Variants in MYH11 observed in about 807,000 individuals in gnomAD.
The protein encoded by MYH11 is myosin heavy chain 11.
In MYH11, 80 loss-of-function variants were observed where a neutral mutation model predicts 246.6. The ratio of observed to expected loss-of-function variants is 0.32; its 90% CI spans 0.27 to 0.39. The LOEUF (loss-of-function observed/expected upper bound fraction) is 0.39, where lower values mean the gene tolerates loss of function less well. Among genes scored for constraint, MYH11 ranks in the 10% least tolerant of loss-of-function variants. MYH11 has a pLI of 1.00. For synonymous variants in MYH11, 1,071 were observed against 1,015.5 expected, an observed-to-expected ratio of 1.05 and a Z score of -1.04; for missense variants, 2,158 against 2,546.8, an observed-to-expected ratio of 0.85 and a Z score of 3.29.
chr16:15,725,171 C>A (rs1358081591), intron 28 of MYH11, 179 bp from the exon 29 acceptor site: 8 of 638,142 alleles, frequency 1.3e-5, no homozygotes, highest in Non-Finnish European at 2.7e-6. Flanking sequence ...ACAAAAAAAA[C>A]AGAATCTGTG....
chr16:15,740,405 C>G (rs2041240146), intron 22 of MYH11, among the ~76,000 whole-genome samples: 1 of 151,792 alleles, frequency 6.6e-6, no homozygotes, highest in Non-Finnish European at 1.5e-5. Flanking sequence ...GTCAGGAATT[C>G]AAGACCAGCC....
chr16:15,760,459 G>A (rs2041842921), intron 11 of MYH11, 81 bp downstream of exon 11: 3 of 1,077,582 alleles, frequency 2.8e-6, no homozygotes, highest in African/African-American at 1.6e-5. Flanking sequence ...ATGAATACAT[G>A]AATGAGTGAA....
In MYH11 at chr16:15,724,349, C is replaced by G. The variant is rs143620567; in HGVS notation, c.4177G>C (p.Gly1393Arg). The change falls in exon 31 of 41, where the codon GGG (glycine) becomes CGG (arginine). Residue 1393 changes from glycine to arginine, a missense_variant. Gly to Arg is a moderately radical substitution (Grantham distance 125). This residue lies in a region of MYH11 where 1,013 missense variants were observed against 993.5 expected (regional missense o/e 1.02). Coordinates refer to ENST00000300036, the MANE Select transcript of MYH11 (RefSeq NM_002474.3). ...ATCTCCTTCTGGAACCTCTTCTTCC[C>G]CTCTTCCAGAGCTTCCACGGTGCTG... is the stretch of plus-strand genomic sequence containing the variant. The part of the protein sequence containing the change: ...FASTVEALEE[G>R]KKRFQKEIEN... 9.5e-5 allele frequency: 154 copies of G among 1,614,132 alleles called. No homozygotes were observed. The African/African-American group carries it at 1.9e-3, about 20-fold the overall frequency.
At chr16:15,771,434 C>CT in intron 9 of MYH11, 135 bp downstream of exon 9, 1 of 922,642 alleles carries the variant, frequency 1.1e-6, no homozygotes, top group Non-Finnish European at 1.6e-6. Context: ...TCATTTTCCT[C>CT]CTTTTTTTTT....
At chr16:15,708,396 T>A (rs1027649914) in intron 40 of MYH11, among the ~76,000 whole-genome samples, 16 of 152,202 alleles carry the variant, frequency 1.1e-4, no homozygotes, top group African/African-American at 3.9e-4. Context: ...GGAACTGTCA[T>A]ATTCATTCAG....
At chr16:15,768,333 G>A (rs1258268879) in intron 9 of MYH11, among the ~76,000 whole-genome samples, 2 of 152,134 alleles carry the variant, frequency 1.3e-5, no homozygotes, top group Non-Finnish European at 2.9e-5. Flanking sequence ...AGGCATGGTG[G>A]CGCATGAGGA....
intron 40 of MYH11, chr16:15,708,979 G>C (rs972529173): frequency 1.6e-5 from 15 of 948,820 alleles, no homozygotes; most frequent in Non-Finnish European, 6.6e-6. Context: ...GATAGTCTCT[G>C]TCACCCAGGC....
At chr16:15,814,550 T>C (rs1343136441) in intron 3 of MYH11, among the ~76,000 whole-genome samples, 1 of 29,548 alleles carries the variant, frequency 3.4e-5, no homozygotes, top group Non-Finnish European at 5.7e-5. Context: ...TGAAACTCCA[T>C]CTCAAAAAAA....
chr16:15,724,747 C>T lies in MYH11; in HGVS notation c.4016G>A (p.Arg1339His), dbSNP rs374271463. ...RQKLNVSTKLRQLEEERNSLQ... is the reference protein window; with the variant it reads ...RQKLNVSTKLHQLEEERNSLQ... ...GCTGTTCCGCTCCTCCTCCAGCTGG[C>T]GCAGCTTCGTAGACACGTTGAGCTT... Residue 1339 changes from arginine to histidine, a missense_variant, in exon 30 of 41, where the codon CGC (arginine) becomes CAC (histidine). Arg to His is a conservative substitution (Grantham distance 29). Around this residue, in one of 11 missense-constraint regions of MYH11, gnomAD observed 1,013 missense variants for 993.5 expected, o/e 1.02. Coordinates refer to ENST00000300036, the MANE Select transcript of MYH11 (RefSeq NM_002474.3). 4.5e-5 allele frequency: 73 copies of T among 1,614,006 alleles called. No homozygotes were observed. Among genetic ancestry groups the T allele is most frequent in the Non-Finnish European group, 5.9e-5 (70 of 1,180,026 alleles).
chr16:15,833,381 G>A (rs899310670), intron 2 of MYH11, among the ~76,000 whole-genome samples: 10 of 136,856 alleles, frequency 7.3e-5, no homozygotes, highest in South Asian at 4.7e-4. Flanking sequence ...GGGAGGGAGG[G>A]AGGGAGGAAG....
At chr16:15,797,199 T>C (rs139561707) in intron 4 of MYH11, among the ~76,000 whole-genome samples, 16 of 152,322 alleles carry the variant, frequency 1.1e-4, no homozygotes, top group South Asian at 4.1e-4. Context: ...AACTTATTAA[T>C]TGTTTCAATC....
intron 3 of MYH11, among the ~76,000 whole-genome samples, chr16:15,805,399 T>C (rs1199953379): frequency 1.3e-5 from 2 of 152,212 alleles, no homozygotes; most frequent in Non-Finnish European, 2.9e-5. Context: ...CAAAACATTC[T>C]GGCGGAAAAA....
intron 3 of MYH11, among the ~76,000 whole-genome samples, chr16:15,800,174 G>C (rs1376315549): frequency 6.6e-6 from 1 of 151,492 alleles, no homozygotes; most frequent in Non-Finnish European, 1.5e-5. Context: ...AGAGGTGGAT[G>C]GGCAAGTGAG....
At chr16:15,712,399 C>T (rs2039854247) in intron 40 of MYH11, among the ~76,000 whole-genome samples, 1 of 152,088 alleles carries the variant, frequency 6.6e-6, no homozygotes, top group Non-Finnish European at 1.5e-5. Flanking sequence ...CCTGTAATCC[C>T]AGCACGTGGG....
At chr16:15,732,315 G>A (rs2040989210) in intron 27 of MYH11, among the ~76,000 whole-genome samples, 1 of 151,426 alleles carries the variant, frequency 6.6e-6, no homozygotes, top group South Asian at 2.1e-4. Context: ...GCCCAGGCTG[G>A]TCTCCAACTC....
chr16:15,746,768 C>T (rs2041428849), intron 19 of MYH11, among the ~76,000 whole-genome samples: 2 of 152,308 alleles, frequency 1.3e-5, no homozygotes, highest in Admixed American at 6.5e-5. Flanking sequence ...CCGTCAAGTC[C>T]TCTTTCCTCA....
At chr16:15,726,054 T>G in intron 28 of MYH11, 1 of 199,042 alleles carries the variant, frequency 5.0e-6, no homozygotes, top group Non-Finnish European at 1.0e-5. Context: ...GCACACGCTG[T>G]TCCCTCTGCC....
intron 2 of MYH11, among the ~76,000 whole-genome samples, chr16:15,836,914 A>T (rs551439960): frequency 6.7e-6 from 1 of 149,654 alleles, no homozygotes; most frequent in East Asian, 2.0e-4. Flanking sequence ...TAGTAGAGAC[A>T]GGGTTTCATC....
At chr16:15,733,648 T>G (rs1307488585) in intron 26 of MYH11, among the ~76,000 whole-genome samples, 1 of 151,598 alleles carries the variant, frequency 6.6e-6, no homozygotes, top group African/African-American at 2.4e-5. Flanking sequence ...GTTCAAGGGA[T>G]TCTCCTGCCT....
Sources: gnomAD v4.1 joint callset for allele counts (sites outside exome capture counted in the v4.1 genomes callset) on GRCh38, gnomAD v4.1.1 for gene constraint, gnomAD v4.1.1 regional missense constraint, MANE v1.5 for transcripts, NCBI Gene and HGNC (gene_info 2026-07-23, HGNC 2026-07-21) for gene names.